SEMA5A: variants seen among roughly 807,000 people sequenced by gnomAD.
SEMA5A encodes the protein semaphorin 5A, also known as semaphorin-5A.
A neutral mutation model predicts 135.5 loss-of-function variants in SEMA5A; 55 were observed. That is an observed-to-expected ratio of 0.41 (90% CI 0.33 to 0.51). The LOEUF is 0.51. Ranked by LOEUF, SEMA5A falls within the 20% of genes least tolerant of loss-of-function variation. The probability of loss-of-function intolerance (pLI) is 0.37; values close to 1 mark genes in which losing one functional copy is unlikely to be tolerated. For synonymous variants in SEMA5A, 580 were observed against 546.5 expected (o/e 1.06, Z -0.85); for missense variants, 1,290 against 1,419.9 (o/e 0.91, Z 1.47).
Position 9,035,936 on chromosome 5 carries a change from A to AAATT in SEMA5A, c.*6957_*6960dup, listed in dbSNP as rs1735630255. 1.4e-5 allele frequency: 2 copies of AAATT among 145,938 alleles called. No homozygotes were observed. Among genetic ancestry groups the AAATT allele is most frequent in the Admixed American group, 7.1e-5 (1 of 14,164 alleles). 9.0% of individuals were successfully genotyped at this position (145,938 alleles called of 1,614,324 possible). A position where few individuals can be genotyped will look rare whatever the true frequency, so the allele number is the denominator to read the frequency against. ...CTGTCTGCAAGCTTACCAAGGGCTG[A>AAATT]AATTGGCTTTGGAGGAGTTTCACAA... is the stretch of plus-strand genomic sequence containing the variant. On this transcript the variant is annotated 3_prime_UTR_variant, in exon 23 of 23. Transcript: ENST00000382496.
chr5:9,408,587 G>C (rs1756986475), intron 2 of SEMA5A, among the ~76,000 whole-genome samples: 1 of 152,132 alleles, frequency 6.6e-6, no homozygotes, highest in Admixed American at 6.5e-5. Context: ...GTGCTTAGTA[G>C]GTGCAGGCAT....
At chr5:9,481,432 T>C (rs1219310491) in intron 1 of SEMA5A, among the ~76,000 whole-genome samples, 1 of 152,068 alleles carries the variant, frequency 6.6e-6, no homozygotes, top group African/African-American at 2.4e-5. Flanking sequence ...CAATAGGAGG[T>C]CAACTCAAAG....
Position 9,177,287 on chromosome 5 carries a change from G to A in SEMA5A, c.1273+12980C>T, listed in dbSNP as rs573896391. 6.4e-4 allele frequency among the ~76,000 whole-genome samples: 97 copies of A among 152,210 alleles called. 1 individual carries two copies. Among genetic ancestry groups the A allele is most frequent in the African/African-American group, 2.2e-3 (92 of 41,532 alleles). ...GGTTACCCTAAAGAATTGACTTCAG[G>A]GTGCAGGTTACAGAAAATGAAGGTA... is the stretch of plus-strand genomic sequence containing the variant. On this transcript the variant is annotated intron_variant, in intron 11 of 22. Transcript: ENST00000382496.
intron 12 of SEMA5A, among the ~76,000 whole-genome samples, chr5:9,139,583 A>T (rs577937529): frequency 1.3e-5 from 2 of 152,294 alleles, no homozygotes; most frequent in African/African-American, 4.8e-5. Flanking sequence ...TCCATATCCA[A>T]TTCCTGATTT....
chr5:9,539,844 C>G (rs1041671822), intron 1 of SEMA5A, among the ~76,000 whole-genome samples: 1 of 152,140 alleles, frequency 6.6e-6, no homozygotes, highest in Non-Finnish European at 1.5e-5. Flanking sequence ...ATTTAACAAG[C>G]ACTGACTTAC....
intron 3 of SEMA5A, among the ~76,000 whole-genome samples, chr5:9,353,326 A>AGGAAG (rs1754282388): frequency 7.0e-6 from 1 of 142,922 alleles, no homozygotes; most frequent in African/African-American, 2.6e-5. Flanking sequence ...AAGGAAGGAA[A>AGGAAG]GGAAAGGAAA....
intron 12 of SEMA5A, among the ~76,000 whole-genome samples, chr5:9,147,562 G>T (rs560607274): frequency 3.3e-5 from 5 of 151,992 alleles, no homozygotes; most frequent in African/African-American, 1.2e-4. Context: ...GAGCCACCAC[G>T]TCCTGCCCAA....
chr5:9,441,586 A>C (rs1042815666), intron 1 of SEMA5A, among the ~76,000 whole-genome samples: 1 of 152,266 alleles, frequency 6.6e-6, no homozygotes, highest in Non-Finnish European at 1.5e-5. Flanking sequence ...CACAAAGGTA[A>C]AAATCTGGAC....
rs544307149 is a variant in SEMA5A at position 9,478,021 on chromosome 5, G to A, written c.-174-40169C>T. On this transcript the variant is annotated intron_variant, in intron 1 of 22. Transcript: ENST00000382496. ...TCTGTGCAGCCTTGGGACATGATGC[G>A]CTGTATCCCAGCCACTCCAGCTACA... Among the ~76,000 whole-genome samples the A allele has an allele frequency of 7.2e-5, 11 of 152,264 alleles. No homozygotes were observed. The South Asian group carries it at 1.7e-3, about 23-fold the overall frequency.
intron 5 of SEMA5A, among the ~76,000 whole-genome samples, chr5:9,316,541 G>A (rs1451879896): frequency 6.6e-6 from 1 of 152,094 alleles, no homozygotes; most frequent in Non-Finnish European, 1.5e-5. Context: ...AGTATACCAT[G>A]AGAATCAAAA....
intron 1 of SEMA5A, among the ~76,000 whole-genome samples, chr5:9,474,839 G>T (rs1197679113): frequency 6.6e-6 from 1 of 152,156 alleles, no homozygotes; most frequent in Admixed American, 6.5e-5. Flanking sequence ...AAGGGACATT[G>T]GTTTCTGAAA....
intron 1 of SEMA5A, among the ~76,000 whole-genome samples, chr5:9,533,946 C>A (rs1381410459): frequency 6.6e-6 from 1 of 152,162 alleles, no homozygotes; most frequent in Non-Finnish European, 1.5e-5. Context: ...CGCAAACCAG[C>A]AGAAGTCAAA....
rs1756624869 is a variant in SEMA5A, at chr5:9,400,752, C to T, written c.-77-20729G>A. ...CGATCTCCTGACCTCGTGATCCGCCCGCCTCGGCCTCCCAAAACATTTTTT... is the reference window on the plus strand; with the variant it reads ...CGATCTCCTGACCTCGTGATCCGCCTGCCTCGGCCTCCCAAAACATTTTTT... On this transcript the variant is annotated intron_variant, in intron 2 of 22. Transcript: ENST00000382496. 3.7e-5 allele frequency among the ~76,000 whole-genome samples: 2 copies of T among 54,264 alleles called. 1 individual carries two copies. Among genetic ancestry groups the T allele is most frequent in the African/African-American group, 1.8e-4 (2 of 11,416 alleles). 35.6% of individuals were successfully genotyped at this position (54,264 alleles called of 152,430 possible). A position where few individuals can be genotyped will look rare whatever the true frequency, so the allele number is the denominator to read the frequency against.
Position 9,392,040 on chromosome 5 carries a change from A to T in SEMA5A, c.-77-12017T>A, listed in dbSNP as rs570219986. Among the ~76,000 whole-genome samples the T allele has an allele frequency of 4.6e-5, 7 of 152,168 alleles. No homozygotes were observed. In the South Asian group the frequency reaches 1.0e-3, roughly 23 times the overall value. On this transcript the variant is annotated intron_variant, in intron 2 of 22. Transcript: ENST00000382496. ...TCTGGTCTTGAAACCCACCAAGCTC[A>T]TCACCTTGCAGATGGCGCTTGCTGG...
rs1736033042 is a variant in SEMA5A at position 9,042,810 on chromosome 5, A to G, written c.*87T>C. The G allele has an allele frequency of 6.6e-7, 1 of 1,517,978 alleles. No individual in the cohort carries two copies. The highest frequency in any genetic ancestry group is 9.1e-7 in the Non-Finnish European group (1 of 1,102,920). The allele number at this position is 1,517,978 out of a possible 1,614,324, so 94.0% of individuals were successfully genotyped here. ...GCACTTGAAATGTATCCAAACTTCG[A>G]CTCTGAAGCCTCAGAAACATGGGCA... is the stretch of plus-strand genomic sequence containing the variant. On this transcript the variant is annotated 3_prime_UTR_variant, in exon 23 of 23. Coordinates refer to ENST00000382496, the MANE Select transcript of SEMA5A (RefSeq NM_003966.3).
chr5:9,291,315 C>T (rs1751064070), intron 5 of SEMA5A, among the ~76,000 whole-genome samples: 1 of 152,182 alleles, frequency 6.6e-6, no homozygotes, highest in Admixed American at 6.5e-5. Flanking sequence ...ATGCAACCTG[C>T]TGGTCATCCA....
At chr5:9,496,402 T>G (rs1735305915) in intron 1 of SEMA5A, among the ~76,000 whole-genome samples, 2 of 152,222 alleles carry the variant, frequency 1.3e-5, no homozygotes, top group South Asian at 4.1e-4. Context: ...TGTATAATTG[T>G]ATAATCTGTT....
intron 4 of SEMA5A, among the ~76,000 whole-genome samples, chr5:9,329,658 A>G (rs1753031150): frequency 6.6e-6 from 1 of 152,236 alleles, no homozygotes; most frequent in African/African-American, 2.4e-5. Context: ...GCACATGTAC[A>G]TGCAAATAAG....
chr5:9,514,537 A>G (rs1736402310), intron 1 of SEMA5A, among the ~76,000 whole-genome samples: 1 of 152,244 alleles, frequency 6.6e-6, no homozygotes, highest in Non-Finnish European at 1.5e-5. Flanking sequence ...GTAATAGTGT[A>G]GCATTTCCAT....
Sources: allele counts gnomAD v4.1 joint callset (sites outside exome capture counted in the v4.1 genomes callset), GRCh38; gene constraint gnomAD v4.1.1; transcripts MANE v1.5; gene names NCBI Gene and HGNC (gene_info 2026-07-23, HGNC 2026-07-21).